Variants in NCOR2 observed in about 807,000 individuals in gnomAD.
NCOR2 encodes the protein nuclear receptor corepressor 2.
A neutral mutation model predicts 262.9 loss-of-function variants in NCOR2; 81 were observed. The ratio of observed to expected loss-of-function variants is 0.31; its 90% confidence interval spans 0.26 to 0.37. NCOR2 has a LOEUF of 0.37. Among genes scored for constraint, NCOR2 ranks in the 10% least tolerant of loss-of-function variants. The probability of loss-of-function intolerance (pLI) is 1.00; values close to 1 mark genes in which losing one functional copy is unlikely to be tolerated. For synonymous variants in NCOR2, 1,659 were observed against 1,559.3 expected (o/e 1.06, Z -1.51); for missense variants, 3,385 against 3,621.4 (o/e 0.93, Z 1.68).
chr12:124,421,715 C>G (rs897606130), intron 12 of NCOR2, among the ~76,000 whole-genome samples: 1 of 152,224 alleles, frequency 6.6e-6, no homozygotes, highest in Non-Finnish European at 1.5e-5. Context: ...GACACACGGA[C>G]GGCAGCCTTT....
chr12:124,473,617 C>T (rs546791056), intron 3 of NCOR2, among the ~76,000 whole-genome samples: 6 of 152,086 alleles, frequency 3.9e-5, no homozygotes, highest in Admixed American at 3.9e-4. Flanking sequence ...TAGTTCTGTC[C>T]CTCTAGAGAA....
chr12:124,510,783 G>A (rs60419381), intron 1 of NCOR2, among the ~76,000 whole-genome samples: 15,400 of 152,096 alleles, frequency 0.1, 927 homozygotes, highest in African/African-American at 0.18. Context: ...GGGCCGCCGC[G>A]GACAGGCTGT....
At chr12:124,559,904 C>T (rs2052013785) in intron 1 of NCOR2, among the ~76,000 whole-genome samples, 1 of 152,178 alleles carries the variant, frequency 6.6e-6, no homozygotes, top group Non-Finnish European at 1.5e-5. Context: ...CAACTATATA[C>T]CACTCTAAAG....
chr12:124,402,553 TTGC>T, exon 14 of NCOR2: 4 of 1,475,756 alleles, frequency 2.7e-6, no homozygotes, highest in African/African-American at 2.9e-5. Flanking sequence ...GCTGCTGTTG[TTGC>T]TGCTGCTGTC....
At chr12:124,424,055 C>T (rs1363732550) in intron 11 of NCOR2, among the ~76,000 whole-genome samples, 2 of 152,160 alleles carry the variant, frequency 1.3e-5, no homozygotes, top group African/African-American at 4.8e-5. Flanking sequence ...ATGGAAGTTA[C>T]GCCAGCCCCA....
intron 1 of NCOR2, among the ~76,000 whole-genome samples, chr12:124,534,947 A>T (rs1023967824): frequency 4.6e-5 from 7 of 152,200 alleles, no homozygotes; most frequent in African/African-American, 1.7e-4. Context: ...TATGAGCATT[A>T]ATCACCGCAG....
chr12:124,488,943 G>A (rs887050457), intron 1 of NCOR2, among the ~76,000 whole-genome samples: 14 of 151,884 alleles, frequency 9.2e-5, no homozygotes, highest in East Asian at 1.9e-4. Context: ...ATCCTCCTAG[G>A]AGCATCTTGG....
chr12:124,392,531 T>C (rs2041381411), intron 16 of NCOR2, among the ~76,000 whole-genome samples: 1 of 152,000 alleles, frequency 6.6e-6, no homozygotes, highest in Non-Finnish European at 1.5e-5. Flanking sequence ...TGCTGGGCCC[T>C]GACGGACAGC....
intron 8 of NCOR2, 33 bp downstream of exon 10, chr12:124,437,897 G>C (rs891864605): frequency 2.5e-6 from 4 of 1,597,502 alleles, no homozygotes; most frequent in Non-Finnish European, 3.4e-6. Context: ...CAGATCTCAA[G>C]GAAAGCTGAT....
chr12:124,343,264 G>C (rs1275703273), intron 32 of NCOR2, 38 bp from the exon 35 acceptor site: 1 of 1,574,860 alleles, frequency 6.3e-7, no homozygotes, highest in Admixed American at 1.8e-5. Context: ...GGCCTCTGGG[G>C]CTGGCATTTA....
intron 10 of NCOR2, among the ~76,000 whole-genome samples, chr12:124,427,237 G>T (rs759921857): frequency 7.2e-5 from 11 of 152,160 alleles, no homozygotes; most frequent in Non-Finnish European, 1.5e-4. Flanking sequence ...AGGCAGCCCA[G>T]GGGCGCAGAG....
chr12:124,470,128 T>C (rs951714274), intron 4 of NCOR2, among the ~76,000 whole-genome samples: 8 of 146,546 alleles, frequency 5.5e-5, no homozygotes, highest in Non-Finnish European at 1.0e-4. Flanking sequence ...ATGGCACCAC[T>C]GCACTCCAGC....
intron 1 of NCOR2, among the ~76,000 whole-genome samples, chr12:124,515,354 C>T (rs886146260): frequency 2.7e-5 from 4 of 147,518 alleles, no homozygotes; most frequent in Admixed American, 6.9e-5. Flanking sequence ...GCCTGGGTGA[C>T]GGAGTGAGAC....
At chr12:124,436,267 T>C (rs1702325) in intron 8 of NCOR2, among the ~76,000 whole-genome samples, 135,374 of 152,274 alleles carry the variant, frequency 0.89, 60,311 homozygotes, top group East Asian at 0.96. Context: ...GAGCCAGGCC[T>C]GCGCCTGGGA....
intron 1 of NCOR2, among the ~76,000 whole-genome samples, chr12:124,554,451 C>T (rs1467532890): frequency 6.6e-6 from 1 of 152,168 alleles, no homozygotes; most frequent in African/African-American, 2.4e-5. Flanking sequence ...CAGGTTCCCT[C>T]GGTGCCCCCT....
At chr12:124,495,663 C>G (rs993796263), upstream of NCOR2, among the ~76,000 whole-genome samples, 1 of 152,166 alleles carries the variant, frequency 6.6e-6, no homozygotes, top group Non-Finnish European at 1.5e-5. The surrounding 1 kb of genome is among the most constrained non-coding windows in gnomAD (Gnocchi z 4.4). Flanking sequence ...TCACCACCAC[C>G]CAGATGGCTC....
chr12:124,463,213 C>A (rs1349973103), intron 5 of NCOR2, among the ~76,000 whole-genome samples: 1 of 152,256 alleles, frequency 6.6e-6, no homozygotes, highest in Admixed American at 6.5e-5. Context: ...TGTCCCGGAA[C>A]CAACAGGCTC....
chr12:124,395,596 G>A (rs1200225771), intron 16 of NCOR2, among the ~76,000 whole-genome samples: 1 of 152,180 alleles, frequency 6.6e-6, no homozygotes, highest in Non-Finnish European at 1.5e-5. Flanking sequence ...CTCTCCGCCG[G>A]TGAGTCATCC....
intron 1 of NCOR2, among the ~76,000 whole-genome samples, chr12:124,515,566 AGTGT>A (rs1186408706): frequency 6.6e-6 from 1 of 151,706 alleles, no homozygotes; most frequent in Non-Finnish European, 1.5e-5. Context: ...CACTTGTGTG[AGTGT>A]GTGTGTGCAT....
Sources: allele counts gnomAD v4.1 joint callset (sites outside exome capture counted in the v4.1 genomes callset), GRCh38; gene constraint gnomAD v4.1.1; non-coding constraint Gnocchi (gnomAD v3.1); transcripts MANE v1.5; gene names NCBI Gene and HGNC (gene_info 2026-07-23, HGNC 2026-07-21).